Variants in UBTD1 observed in about 807,000 individuals in gnomAD.
UBTD1 encodes the protein ubiquitin domain containing 1, also known as ubiquitin domain-containing protein 1.
UBTD1 carries 19 observed loss-of-function variants against 21.7 expected under a neutral mutation model. That is an observed-to-expected ratio of 0.87 (90% CI 0.61 to 1.28). UBTD1 has a LOEUF of 1.28. Among genes scored for constraint, UBTD1 ranks in the 50% most tolerant of loss-of-function variants. The pLI, the probability that UBTD1 is intolerant of heterozygous loss-of-function variation, is 0.00. For synonymous variants in UBTD1, 116 were observed against 135.1 expected (o/e 0.86, Z 0.98); for missense variants, 282 against 315.1 (o/e 0.89, Z 0.80).
chr10:97,523,535 C>T (rs770743459), intron 1 of UBTD1, among the ~76,000 whole-genome samples: 28 of 152,084 alleles, frequency 1.8e-4, no homozygotes, highest in Non-Finnish European at 3.8e-4. Flanking sequence ...AGCCTGTCTG[C>T]AGGGCCTGTC....
At chr10:97,531,252 C>G (rs112550034) in intron 1 of UBTD1, among the ~76,000 whole-genome samples, 3,075 of 151,344 alleles carry the variant, frequency 0.02, 110 homozygotes, top group African/African-American at 0.07. Flanking sequence ...TTGCCGTCAC[C>G]CAGTCTGGAG....
At chr10:97,542,601 G>A (rs1347916864) in intron 1 of UBTD1, among the ~76,000 whole-genome samples, 1 of 152,220 alleles carries the variant, frequency 6.6e-6, no homozygotes, top group Non-Finnish European at 1.5e-5. Context: ...GTTTAGTCAG[G>A]AGGCGGAGGG....
chr10:97,513,691 A>C (rs78639705), intron 1 of UBTD1, among the ~76,000 whole-genome samples: 4,517 of 152,236 alleles, frequency 0.03, 91 homozygotes, highest in Non-Finnish European at 0.046. Flanking sequence ...CAGAGTCTCC[A>C]TTCTCATTTG....
intron 1 of UBTD1, among the ~76,000 whole-genome samples, chr10:97,545,060 C>G (rs1486222031): frequency 1.3e-5 from 2 of 151,726 alleles, no homozygotes; most frequent in Non-Finnish European, 2.9e-5. Flanking sequence ...TCCGGCCAAG[C>G]ATGGTGGCTC....
chr10:97,552,572 C>T (rs4919111), intron 1 of UBTD1, among the ~76,000 whole-genome samples: 144,699 of 151,886 alleles, frequency 0.95, 69,127 homozygotes, highest in Non-Finnish European at 0.99. Flanking sequence ...ATTTTTGTAT[C>T]TTTGTATTTT....
At chr10:97,513,701 G>A (rs1018274936) in intron 1 of UBTD1, among the ~76,000 whole-genome samples, 1 of 152,110 alleles carries the variant, frequency 6.6e-6, no homozygotes, top group Non-Finnish European at 1.5e-5. Context: ...ATTCTCATTT[G>A]GTATTTATCT....
At chr10:97,509,443 C>T (rs1211358209) in intron 1 of UBTD1, among the ~76,000 whole-genome samples, 4 of 152,226 alleles carry the variant, frequency 2.6e-5, no homozygotes, top group Non-Finnish European at 5.9e-5. Flanking sequence ...CGCCCACACA[C>T]AGCACAGCGG....
At chr10:97,555,839 TG>T (rs1468836766) in intron 1 of UBTD1, among the ~76,000 whole-genome samples, 3 of 152,252 alleles carry the variant, frequency 2.0e-5, no homozygotes, top group Admixed American at 6.5e-5. Flanking sequence ...GGCCTGGCGC[TG>T]GGCTGCCTGT....
chr10:97,548,041 G>A (rs1302363005), intron 1 of UBTD1, among the ~76,000 whole-genome samples: 3 of 152,208 alleles, frequency 2.0e-5, no homozygotes, highest in African/African-American at 4.8e-5. Context: ...CCCATGAGGT[G>A]GGAGTTACAT....
At chr10:97,512,194 C>G (rs2040425535) in intron 1 of UBTD1, among the ~76,000 whole-genome samples, 1 of 152,182 alleles carries the variant, frequency 6.6e-6, no homozygotes, top group Non-Finnish European at 1.5e-5. Context: ...TGTCCCCATC[C>G]CTGGCCCCTG....
chr10:97,506,310 A>G (rs2040399472), intron 1 of UBTD1, among the ~76,000 whole-genome samples: 1 of 152,200 alleles, frequency 6.6e-6, no homozygotes, highest in South Asian at 2.1e-4. Flanking sequence ...TACTGTGCTT[A>G]TAGTAGTGTG....
At chr10:97,508,405 C>G (rs1312481678) in intron 1 of UBTD1, among the ~76,000 whole-genome samples, 2 of 152,180 alleles carry the variant, frequency 1.3e-5, no homozygotes, top group Non-Finnish European at 2.9e-5. Context: ...TTTGATTCTC[C>G]CTATTTTACC....
intron 1 of UBTD1, among the ~76,000 whole-genome samples, chr10:97,502,369 C>G (rs1564733769): frequency 6.6e-6 from 1 of 152,138 alleles, no homozygotes. Context: ...GTGGCTTTTC[C>G]TTTGACAAGG....
At chr10:97,509,653 T>C (rs1015428641) in intron 1 of UBTD1, among the ~76,000 whole-genome samples, 6 of 152,124 alleles carry the variant, frequency 3.9e-5, no homozygotes, top group African/African-American at 9.7e-5. Flanking sequence ...AATTTCCTTT[T>C]TTTTCCCCCC....
intron 1 of UBTD1, among the ~76,000 whole-genome samples, chr10:97,536,504 A>G (rs2040562661): frequency 6.6e-6 from 1 of 152,336 alleles, no homozygotes; most frequent in Admixed American, 6.5e-5. Context: ...CCTGCCCACC[A>G]TACTGCAGAC....
At chr10:97,563,206 A>G (rs536908015) in intron 1 of UBTD1, among the ~76,000 whole-genome samples, 2 of 152,250 alleles carry the variant, frequency 1.3e-5, no homozygotes, top group East Asian at 3.8e-4. Flanking sequence ...AACCCAGGAC[A>G]TCCAATTAGA....
chr10:97,564,004 T>C (rs2040706062), intron 1 of UBTD1, among the ~76,000 whole-genome samples: 1 of 152,170 alleles, frequency 6.6e-6, no homozygotes. Flanking sequence ...AGCTTTATTC[T>C]GGAACGGTGA....
chr10:97,499,154 G>A lies in UBTD1; in HGVS notation c.-50G>A. The A allele has an allele frequency of 1.3e-6, 2 of 1,500,194 alleles. No individual in the cohort carries two copies. Among genetic ancestry groups the A allele is most frequent in the Non-Finnish European group, 1.8e-6 (2 of 1,120,120 alleles). 92.9% of individuals were successfully genotyped at this position (1,500,194 alleles called of 1,614,324 possible). A position where few individuals can be genotyped will look rare whatever the true frequency, so the allele number is the denominator to read the frequency against. The stretch of plus-strand genomic sequence containing the variant: ...CCGGGACGCCGCCGTCCGCTGAGCA[G>A]CCGACCACCCCGCCGCCTCCGGTGC... On this transcript the variant is annotated 5_prime_UTR_variant, in exon 1 of 3. Transcript: ENST00000370664.
intron 1 of UBTD1, among the ~76,000 whole-genome samples, chr10:97,525,596 A>G (rs2040484972): frequency 6.6e-6 from 1 of 152,194 alleles, no homozygotes; most frequent in African/African-American, 2.4e-5. Flanking sequence ...CCAGCTGTCT[A>G]TGCGGCTCAC....
Sources: gnomAD v4.1 joint callset for allele counts (sites outside exome capture counted in the v4.1 genomes callset) on GRCh38, gnomAD v4.1.1 for gene constraint, MANE v1.5 for transcripts, NCBI Gene and HGNC (gene_info 2026-07-23, HGNC 2026-07-21) for gene names.